The following NLGN1 variants were observed in gnomAD, a reference collection of about 807,000 sequenced individuals.
NLGN1 encodes the protein neuroligin-1.
Under a neutral mutation model 65.5 loss-of-function variants are expected in NLGN1, and 12 were observed. The observed-to-expected ratio is 0.18, with a 90% CI of 0.12 to 0.30. The LOEUF (loss-of-function observed/expected upper bound fraction) is 0.30. Ranked by LOEUF, NLGN1 falls within the 10% of genes least tolerant of loss-of-function variation. The pLI is 1.00. For synonymous variants in NLGN1, 350 were observed against 359.5 expected (o/e 0.97, Z 0.30); for missense variants, 750 against 1,007.1 (o/e 0.74, Z 3.46).
intron 2 of NLGN1, among the ~76,000 whole-genome samples, chr3:173,448,396 A>C (rs984087647): frequency 1.3e-5 from 2 of 152,230 alleles, no homozygotes; most frequent in African/African-American, 4.8e-5. Flanking sequence ...CCAGCCTTGC[A>C]TCCGAGGGAT....
At chr3:173,563,289 T>C (rs768660738) in intron 2 of NLGN1, among the ~76,000 whole-genome samples, 6 of 152,172 alleles carry the variant, frequency 3.9e-5, no homozygotes, top group Non-Finnish European at 7.3e-5. Context: ...CATAAGAACA[T>C]TGATAATGTG....
At chr3:174,090,409 T>G (rs1744288142) in intron 4 of NLGN1, among the ~76,000 whole-genome samples, 2 of 151,454 alleles carry the variant, frequency 1.3e-5, no homozygotes, top group Admixed American at 6.6e-5. Flanking sequence ...GGAGGTGGAG[T>G]TTGCAGTGAG....
chr3:173,793,505 A>C (rs1373224755), intron 3 of NLGN1, among the ~76,000 whole-genome samples: 1 of 152,118 alleles, frequency 6.6e-6, no homozygotes, highest in Non-Finnish European at 1.5e-5. Flanking sequence ...CCAAGTAGAA[A>C]TTGTTGCAGA....
chr3:173,473,692 T>A (rs1725679832), intron 2 of NLGN1, among the ~76,000 whole-genome samples: 1 of 152,178 alleles, frequency 6.6e-6, no homozygotes, highest in South Asian at 2.1e-4. Flanking sequence ...AATAAAACAA[T>A]ACGTTATTTT....
chr3:173,610,771 A>G (rs2149468914), intron 3 of NLGN1, among the ~76,000 whole-genome samples: 1 of 151,970 alleles, frequency 6.6e-6, no homozygotes, highest in African/African-American at 2.4e-5. Flanking sequence ...TACACACTGG[A>G]GTGTGTCTAA....
chr3:174,054,313 A>G (rs1393589821), intron 4 of NLGN1, among the ~76,000 whole-genome samples: 4 of 152,066 alleles, frequency 2.6e-5, no homozygotes, highest in Non-Finnish European at 5.9e-5. Context: ...TTACACACAC[A>G]TGCAAGTAAT....
intron 3 of NLGN1, among the ~76,000 whole-genome samples, chr3:173,642,992 TCTG>T (rs1757655655): frequency 6.6e-6 from 1 of 152,196 alleles, no homozygotes; most frequent in African/African-American, 2.4e-5. Context: ...TATACACACA[TCTG>T]AAGCTACCTT....
intron 3 of NLGN1, among the ~76,000 whole-genome samples, chr3:173,606,803 A>G (rs1751470704): frequency 6.6e-6 from 1 of 152,132 alleles, no homozygotes; most frequent in South Asian, 2.1e-4. Context: ...TTAAAAGCAC[A>G]CTATACTTAA....
chr3:173,532,102 T>C (rs183314331), intron 2 of NLGN1, among the ~76,000 whole-genome samples: 45 of 152,336 alleles, frequency 3.0e-4, no homozygotes, highest in Middle Eastern at 3.4e-3. Flanking sequence ...TACTTCCAAA[T>C]GTCACTAATA....
chr3:174,139,067 T>C (rs772254561), intron 4 of NLGN1, among the ~76,000 whole-genome samples: 3 of 152,130 alleles, frequency 2.0e-5, no homozygotes, highest in Admixed American at 1.3e-4. Flanking sequence ...TATGTTGTAC[T>C]AAAACTAAGT....
At chr3:173,497,975 G>A (rs1730316979) in intron 2 of NLGN1, among the ~76,000 whole-genome samples, 1 of 151,652 alleles carries the variant, frequency 6.6e-6, no homozygotes, top group Admixed American at 6.6e-5. Flanking sequence ...TAAGGTTTTA[G>A]TTATCACTAA....
intron 4 of NLGN1, among the ~76,000 whole-genome samples, chr3:174,060,143 A>G (rs1737076784): frequency 1.3e-5 from 2 of 152,144 alleles, no homozygotes; most frequent in Non-Finnish European, 2.9e-5. Flanking sequence ...TTTTATGGTT[A>G]TATTTCACCA....
At chr3:174,172,339 ATTTTTG>A (rs1728704540) in intron 4 of NLGN1, among the ~76,000 whole-genome samples, 1 of 152,066 alleles carries the variant, frequency 6.6e-6, no homozygotes, top group Admixed American at 6.6e-5. Context: ...TAATTAAATT[ATTTTTG>A]ACTATGATCA....
intron 2 of NLGN1, among the ~76,000 whole-genome samples, chr3:173,516,308 C>T (rs1040582749): frequency 2.8e-4 from 42 of 151,982 alleles, no homozygotes; most frequent in African/African-American, 9.7e-4. Flanking sequence ...ATCAATATGT[C>T]TAATCCATAC....
chr3:173,831,094 C>A (rs774736889), intron 4 of NLGN1, among the ~76,000 whole-genome samples: 1 of 152,134 alleles, frequency 6.6e-6, no homozygotes, highest in Non-Finnish European at 1.5e-5. Context: ...CCAATTCCAT[C>A]CATGTTGTTG....
chr3:173,463,311 A>C (rs1723714323), intron 2 of NLGN1, among the ~76,000 whole-genome samples: 1 of 152,210 alleles, frequency 6.6e-6, no homozygotes, highest in South Asian at 2.1e-4. Flanking sequence ...AAAACAAATC[A>C]ATACAAAATA....
intron 4 of NLGN1, among the ~76,000 whole-genome samples, chr3:173,916,618 T>G (rs1302955197): frequency 2.0e-5 from 3 of 152,154 alleles, no homozygotes; most frequent in Admixed American, 2.0e-4. Flanking sequence ...ATGCTATTTT[T>G]ATTTATTATA....
intron 3 of NLGN1, among the ~76,000 whole-genome samples, chr3:173,709,713 G>A (rs1248807747): frequency 7.0e-6 from 1 of 143,014 alleles, no homozygotes; most frequent in Non-Finnish European, 1.5e-5. Flanking sequence ...TGAGGCAGGA[G>A]AATCACTTGA....
intron 4 of NLGN1, among the ~76,000 whole-genome samples, chr3:173,905,862 C>A (rs546548543): frequency 3.9e-5 from 6 of 152,130 alleles, no homozygotes; most frequent in Non-Finnish European, 8.8e-5. Context: ...AAATCTATTT[C>A]ATCAGCTTGT....
Sources: allele counts gnomAD v4.1 joint callset (sites outside exome capture counted in the v4.1 genomes callset), GRCh38; gene constraint gnomAD v4.1.1; transcripts MANE v1.5; gene names NCBI Gene and HGNC (gene_info 2026-07-23, HGNC 2026-07-21).